The following CSMD1 variants were observed in gnomAD, a reference collection of about 807,000 sequenced individuals.
CSMD1 encodes the protein CUB and Sushi multiple domains 1.
Under a neutral mutation model 417.5 loss-of-function variants are expected in CSMD1, and 213 were observed. The observed-to-expected ratio is 0.51, with a 90% CI of 0.46 to 0.57. The LOEUF (loss-of-function observed/expected upper bound fraction) is 0.57, where lower values mean the gene tolerates loss of function less well. CSMD1 is among the 20% of genes least tolerant of loss of function. The pLI, the probability that CSMD1 is intolerant of heterozygous loss-of-function variation, is 0.00. For missense variants in CSMD1, 6,923 were observed against 4,529.7 expected, an observed-to-expected ratio of 1.53 and a Z score of -15.17; for synonymous variants, 2,862 against 1,736.8, an observed-to-expected ratio of 1.65 and a Z score of -16.11.
chr8:4,869,129 C>A (rs1401279525), intron 1 of CSMD1, among the ~76,000 whole-genome samples: 2 of 151,858 alleles, frequency 1.3e-5, no homozygotes, highest in African/African-American at 4.8e-5. Flanking sequence ...TTATAAATGT[C>A]ATCAAATTTG....
chr8:3,136,457 G>A (rs1563075891), intron 41 of CSMD1, among the ~76,000 whole-genome samples: 1 of 151,900 alleles, frequency 6.6e-6, no homozygotes, highest in Non-Finnish European at 1.5e-5. Flanking sequence ...TAGAAACGGG[G>A]TTTCACCATG....
Position 4,559,648 on chromosome 8 carries a change from T to A in CSMD1, c.302+77694A>T, listed in dbSNP as rs544657476. Among the ~76,000 whole-genome samples the A allele has an allele frequency of 3.9e-5, 6 of 152,362 alleles. No homozygotes were observed. In the East Asian group the frequency reaches 1.2e-3, roughly 29 times the overall value. ...ACCAAGCATATAATAAAATTATTAA[T>A]AATTCATATTTATGTAACCTATACC... On this transcript the variant is annotated intron_variant, in intron 2 of 69. Coordinates refer to ENST00000635120, the MANE Select transcript of CSMD1 (RefSeq NM_033225.6).
chr8:4,969,266 C>T (rs1313824461), intron 1 of CSMD1, among the ~76,000 whole-genome samples: 2 of 151,900 alleles, frequency 1.3e-5, no homozygotes, highest in African/African-American at 4.8e-5. Flanking sequence ...ATAAGAATTA[C>T]TTAGGCATTT....
intron 7 of CSMD1, among the ~76,000 whole-genome samples, chr8:3,690,638 T>A (rs1800187049): frequency 6.6e-6 from 1 of 152,168 alleles, no homozygotes; most frequent in African/African-American, 2.4e-5. Flanking sequence ...CTCAAAATAT[T>A]CTTTCACTAA....
chr8:4,098,467 T>C (rs908880656), intron 3 of CSMD1, among the ~76,000 whole-genome samples: 1 of 152,074 alleles, frequency 6.6e-6, no homozygotes, highest in Admixed American at 6.6e-5. Flanking sequence ...TTGTTCCATG[T>C]TGGAAGTTGT....
At chr8:3,414,504 T>C (rs2116943592) in intron 12 of CSMD1, among the ~76,000 whole-genome samples, 1 of 152,284 alleles carries the variant, frequency 6.6e-6, no homozygotes, top group South Asian at 2.1e-4. Flanking sequence ...TCATTGACGC[T>C]CTTGGGGTCC....
intron 2 of CSMD1, among the ~76,000 whole-genome samples, chr8:4,509,553 G>T (rs1235370120): frequency 6.6e-6 from 1 of 152,134 alleles, no homozygotes; most frequent in African/African-American, 2.4e-5. Context: ...AAATGGAAAG[G>T]ATGCTGGTCA....
chr8:4,130,504 T>A (rs1585381000), intron 3 of CSMD1, among the ~76,000 whole-genome samples: 1 of 152,254 alleles, frequency 6.6e-6, no homozygotes, highest in African/African-American at 2.4e-5. Flanking sequence ...TTGATTTGAT[T>A]CTTGGCTTTC....
At chr8:4,332,552 TACACACAC>T (rs368534632) in intron 3 of CSMD1, among the ~76,000 whole-genome samples, 2,462 of 128,718 alleles carry the variant, frequency 0.019, 22 homozygotes, top group Admixed American at 0.024. Context: ...TGATATCACA[TACACACAC>T]ACACACACAC....
intron 1 of CSMD1, among the ~76,000 whole-genome samples, chr8:4,973,817 T>G (rs988553033): frequency 6.6e-6 from 1 of 152,212 alleles, no homozygotes; most frequent in Non-Finnish European, 1.5e-5. Context: ...GTTCCTGAAC[T>G]GAGTATAGGT....
At chr8:3,448,668 G>C (rs1210675243) in intron 12 of CSMD1, among the ~76,000 whole-genome samples, 1 of 152,096 alleles carries the variant, frequency 6.6e-6, no homozygotes. Flanking sequence ...GAGGCCAAGT[G>C]GGCATGACCC....
rs78874382 is a variant in CSMD1 at position 3,077,432 on chromosome 8, G to A, written c.7474+9665C>T. On this transcript the variant is annotated intron_variant, in intron 49 of 69. Transcript: ENST00000635120. ...AGGCAAAGCACACACTGTCTGCATC[G>A]ATGTGGTCTACATGGACATAAACAC... Among the ~76,000 whole-genome samples the A allele has an allele frequency of 8.4e-4, 128 of 152,274 alleles. 3 individuals are homozygous for A. The East Asian group carries it at 0.021, about 25-fold the overall frequency.
chr8:4,199,674 G>C (rs1282641352), intron 3 of CSMD1, among the ~76,000 whole-genome samples: 3 of 152,094 alleles, frequency 2.0e-5, no homozygotes, highest in African/African-American at 7.2e-5. Flanking sequence ...GGCTGGACAG[G>C]CAAGGCAGTC....
chr8:3,599,289 G>C (rs1373059869), intron 8 of CSMD1, among the ~76,000 whole-genome samples: 1 of 152,050 alleles, frequency 6.6e-6, no homozygotes, highest in Non-Finnish European at 1.5e-5. Context: ...GGCTACGTGT[G>C]TATGTGTGGG....
chr8:4,471,473 G>A (rs781436395), intron 2 of CSMD1, among the ~76,000 whole-genome samples: 1 of 152,224 alleles, frequency 6.6e-6, no homozygotes, highest in South Asian at 2.1e-4. Context: ...TTCACAAGAT[G>A]CATGTGCCTA....
chr8:4,475,185 A>C (rs988773190), intron 2 of CSMD1, among the ~76,000 whole-genome samples: 1 of 152,230 alleles, frequency 6.6e-6, no homozygotes, highest in Non-Finnish European at 1.5e-5. Context: ...CCTATAATAC[A>C]GGGCTGTGAA....
intron 40 of CSMD1, among the ~76,000 whole-genome samples, chr8:3,144,606 T>G (rs549462048): frequency 6.6e-6 from 1 of 152,060 alleles, no homozygotes; most frequent in East Asian, 1.9e-4. Context: ...GTCTGCTGTA[T>G]ATAATCAAGG....
At chr8:4,542,588 T>A (rs1797441021) in intron 2 of CSMD1, among the ~76,000 whole-genome samples, 1 of 152,224 alleles carries the variant, frequency 6.6e-6, no homozygotes, top group South Asian at 2.1e-4. Context: ...ATGTTATTGC[T>A]AACGCAATTT....
At chr8:4,702,296 C>T (rs943222571) in intron 1 of CSMD1, among the ~76,000 whole-genome samples, 4 of 152,202 alleles carry the variant, frequency 2.6e-5, no homozygotes, top group African/African-American at 9.6e-5. Context: ...TGCCTTGCTT[C>T]TGAGACCTGC....
Sources: gnomAD v4.1 joint callset for allele counts (sites outside exome capture counted in the v4.1 genomes callset) on GRCh38, gnomAD v4.1.1 for gene constraint, MANE v1.5 for transcripts, NCBI Gene and HGNC (gene_info 2026-07-23, HGNC 2026-07-21) for gene names.